Variants in CCNYL1 observed in about 807,000 individuals in gnomAD.
CCNYL1 encodes cyclin Y like 1, also known as cyclin-Y-like protein 1.
A neutral mutation model predicts 44.2 loss-of-function variants in CCNYL1; 16 were observed. The ratio of observed to expected loss-of-function variants is 0.36; its 90% CI spans 0.25 to 0.55. The LOEUF is 0.55. Ranked by LOEUF, CCNYL1 falls within the 20% of genes least tolerant of loss-of-function variation. CCNYL1 has a pLI of 0.85. For missense variants in CCNYL1, 348 were observed against 451.8 expected (o/e 0.77, Z 2.08); for synonymous variants, 159 against 163.2 (o/e 0.97, Z 0.20).
rs1439845417 is a variant in CCNYL1, at chr2:207,716,127, C to T, written c.220+4011C>T. On this transcript the variant is annotated intron_variant, in intron 1 of 9. Coordinates refer to ENST00000295414, the MANE Select transcript of CCNYL1 (RefSeq NM_001330218.2). ...AATAAGATACTAAGATCTTATTGTC[C>T]GATTTTATTAGTACTCTTGACTTTT... Among the ~76,000 whole-genome samples, 11 of 152,086 alleles carry T rather than the reference C, an allele frequency of 7.2e-5. No homozygotes were observed. The East Asian group carries it at 1.5e-3, about 21-fold the overall frequency.
intron 1 of CCNYL1, among the ~76,000 whole-genome samples, chr2:207,718,107 T>C (rs1237897354): frequency 6.6e-6 from 1 of 151,948 alleles, no homozygotes; most frequent in African/African-American, 2.4e-5. Flanking sequence ...GGTTTCTCCG[T>C]GTTAGCCAGG....
rs1324149414 is a variant in CCNYL1, at chr2:207,750,871, C to G, written c.807-86C>G. 2.6e-6 allele frequency: 3 copies of G among 1,164,100 alleles called. No individual in the cohort carries two copies. In the East Asian group the frequency reaches 7.1e-5, roughly 27 times the overall value. 72.1% of individuals were successfully genotyped at this position (1,164,100 alleles called of 1,614,324 possible). A position where few individuals can be genotyped will look rare whatever the true frequency, so the allele number is the denominator to read the frequency against. ...TTTTAAAATAGAGTTTAGAGCCATT[C>G]TAGTCTCTTAGAATGATATTTTTGA... On this transcript the variant is annotated intron_variant, in intron 8 of 9. Transcript: ENST00000295414.
chr2:207,712,702 A>T (rs1443181959), intron 1 of CCNYL1, among the ~76,000 whole-genome samples: 1 of 152,220 alleles, frequency 6.6e-6, no homozygotes, highest in African/African-American at 2.4e-5. Flanking sequence ...AGTCGGCGTG[A>T]AAGAAGCTGC....
chr2:207,747,446 A>T (rs1278542045), intron 8 of CCNYL1, among the ~76,000 whole-genome samples: 1 of 152,182 alleles, frequency 6.6e-6, no homozygotes, highest in Non-Finnish European at 1.5e-5. Flanking sequence ...TTTGATGTGT[A>T]ATAATCTGCT....
intron 4 of CCNYL1, among the ~76,000 whole-genome samples, chr2:207,735,991 G>T (rs904646116): frequency 7.2e-5 from 11 of 152,308 alleles, no homozygotes; most frequent in South Asian, 2.1e-4. Context: ...AAGCTCCTCA[G>T]GTGATTGCAG....
chr2:207,712,116 G>A lies in CCNYL1; in HGVS notation c.220G>A (p.Asp74Asn), dbSNP rs1285857337. 3 of 1,596,850 alleles carry A rather than the reference G, an allele frequency of 1.9e-6. No homozygotes were observed. Among genetic ancestry groups the A allele is most frequent in the Non-Finnish European group, 1.7e-6 (2 of 1,172,752 alleles). The change falls in exon 1 of 10, where the codon GAT becomes AAT. Residue 74 changes from aspartate (D) to asparagine (N), a missense_variant and splice_region_variant. Transcript: ENST00000295414. ...CATCAGCGACCGCGAGATGCCCGAA[G>A]GTAAGGAGGCGGCGGATGCCATCCG... Reference protein sequence around the residue: ...QHISDREMPEDLALESNPSDH... With the variant: ...QHISDREMPENLALESNPSDH...
chr2:207,749,605 T>A (rs1216424748), intron 8 of CCNYL1, among the ~76,000 whole-genome samples: 1 of 152,234 alleles, frequency 6.6e-6, no homozygotes, highest in Non-Finnish European at 1.5e-5. Context: ...ACTATATTTC[T>A]ACACAGTTAA....
At chr2:207,730,590 T>G (rs2091719107) in intron 3 of CCNYL1, among the ~76,000 whole-genome samples, 1 of 152,098 alleles carries the variant, frequency 6.6e-6, no homozygotes, top group Admixed American at 6.6e-5. Context: ...AAACTCCGTT[T>G]CTACTAAAAA....
At position 207,756,129 on chromosome 2, in the gene CCNYL1, TTC is replaced by T. The variant is rs1191053007; in HGVS notation, c.*2434_*2435del. 1 of 152,218 alleles carries T rather than the reference TTC, an allele frequency of 6.6e-6. No homozygotes were observed. Among genetic ancestry groups the T allele is most frequent in the African/African-American group, 2.4e-5 (1 of 41,468 alleles). The allele number at this position is 152,218 out of a possible 1,614,324, so 9.4% of individuals were successfully genotyped here. On this transcript the variant is annotated 3_prime_UTR_variant, in exon 10 of 10. Coordinates refer to ENST00000295414, the MANE Select transcript of CCNYL1 (RefSeq NM_001330218.2). ...ATGCTACAATTTATGTGGTTTTTAT[TTC>T]TCATGTTTATATTAAAAGCTAATAA... is the stretch of plus-strand genomic sequence containing the variant.
At position 207,737,436 on chromosome 2, in the gene CCNYL1, A is replaced by T; in HGVS notation, c.457A>T (p.Ile153Leu). 6.2e-7 allele frequency: 1 copy of T among 1,610,838 alleles called. No homozygotes were observed. The highest frequency in any genetic ancestry group is 8.5e-7 in the Non-Finnish European group (1 of 1,178,010). ...TGTGACCTTAGCAATATATTACCAC[A>T]TAAAGAACAGGTGAGCTCCTTTAAA... ...KCVTLAIYYH[I>L]KNRDANRSLD... The change falls in exon 5 of 10, where the codon ATA becomes TTA. Residue 153 changes from isoleucine to leucine, a missense_variant. Transcript: ENST00000295414.
intron 8 of CCNYL1, 149 bp from the exon 9 acceptor site, chr2:207,750,808 G>A (rs2091885677): frequency 1.6e-6 from 1 of 643,226 alleles, no homozygotes; most frequent in Non-Finnish European, 2.6e-6. Flanking sequence ...TGTACCTTAT[G>A]TGAACATTAG....
At position 207,712,000 on chromosome 2, in the gene CCNYL1, C is replaced by A. The variant is rs1333942916; in HGVS notation, c.104C>A (p.Ala35Glu). Residue 35 changes from alanine (A) to glutamate (E), a missense_variant, in exon 1 of 10, where the codon GCG becomes GAG. This residue lies in a region of CCNYL1 where 209 missense variants were observed against 247.7 expected (regional missense o/e 0.84). Transcript: ENST00000295414. ...TACTGCGCGTCCGACATCTACGAGG[C>A]GGTGTCCGGGGACGCGGTGGCGGTA... ...ELYCASDIYE[A>E]VSGDAVAVAP... 1 of 1,470,608 alleles carries A rather than the reference C, an allele frequency of 6.8e-7. No individual in the cohort carries two copies. 91.1% of individuals were successfully genotyped at this position (1,470,608 alleles called of 1,614,324 possible).
intron 1 of CCNYL1, 103 bp from the exon 2 acceptor site, chr2:207,724,697 C>T (rs1009425964): frequency 1.3e-5 from 11 of 819,858 alleles, no homozygotes; most frequent in Admixed American, 2.5e-5. Flanking sequence ...CTAAAAACTT[C>T]TCTGAAGACT....
chr2:207,715,379 C>CTTTTTTTTTTTTTTTTT (rs770646092), intron 1 of CCNYL1, among the ~76,000 whole-genome samples: 1 of 100,754 alleles, frequency 9.9e-6, no homozygotes, highest in African/African-American at 3.8e-5. Context: ...CAAGCTATTT[C>CTTTTTTTTTTTTTTTTT]TTTTTTTTTT....
intron 6 of CCNYL1, among the ~76,000 whole-genome samples, chr2:207,741,440 TATG>T (rs2091808925): frequency 6.6e-6 from 1 of 152,204 alleles, no homozygotes; most frequent in Non-Finnish European, 1.5e-5. Context: ...ATTGAATCAC[TATG>T]ATATTTTAAG....
intron 1 of CCNYL1, among the ~76,000 whole-genome samples, chr2:207,712,458 C>T (rs1231857252): frequency 7.2e-5 from 11 of 152,160 alleles, no homozygotes; most frequent in Non-Finnish European, 2.9e-5. Flanking sequence ...TTTTCCTTTT[C>T]TCAATGGAAA....
intron 5 of CCNYL1, 108 bp downstream of exon 5, chr2:207,737,554 A>G (rs2091775075): frequency 5.1e-6 from 4 of 790,436 alleles, no homozygotes; most frequent in Non-Finnish European, 7.9e-6. Context: ...GATTGCTATT[A>G]CAGTATTGAA....
At chr2:207,744,110 T>C (rs867366254) in intron 7 of CCNYL1, among the ~76,000 whole-genome samples, 7 of 152,196 alleles carry the variant, frequency 4.6e-5, no homozygotes, top group South Asian at 2.1e-4. Flanking sequence ...TTAGATAGAA[T>C]GATCAGGAAG....
intron 8 of CCNYL1, among the ~76,000 whole-genome samples, chr2:207,747,991 C>T (rs1559173069): frequency 6.6e-6 from 1 of 152,078 alleles, no homozygotes; most frequent in Non-Finnish European, 1.5e-5. Flanking sequence ...ATATGTCTGG[C>T]CTTTGAAATA....
Sources: allele counts gnomAD v4.1 joint callset (sites outside exome capture counted in the v4.1 genomes callset), GRCh38; gene constraint gnomAD v4.1.1; regional missense constraint gnomAD v4.1.1; transcripts MANE v1.5; gene names NCBI Gene and HGNC (gene_info 2026-07-23, HGNC 2026-07-21).